Variants in MED13L observed in about 807,000 individuals in gnomAD.
MED13L encodes mediator complex subunit 13L.
A neutral mutation model predicts 220.9 loss-of-function variants in MED13L; 7 were observed. The ratio of observed to expected loss-of-function variants is 0.03; its 90% CI spans 0.02 to 0.06. The LOEUF (loss-of-function observed/expected upper bound fraction) is 0.06, where lower values mean the gene tolerates loss of function less well. Ranked by LOEUF, MED13L falls within the 10% of genes least tolerant of loss-of-function variation. MED13L has a pLI of 1.00. For synonymous variants in MED13L, 1,011 were observed against 1,015.2 expected (o/e 1.00, Z 0.08); for missense variants, 1,965 against 2,760.5 (o/e 0.71, Z 6.46).
At chr12:115,974,380 CAT>C (rs1358618568) in intron 25 of MED13L, among the ~76,000 whole-genome samples, 19 of 152,300 alleles carry the variant, frequency 1.2e-4, no homozygotes, top group African/African-American at 4.6e-4. Flanking sequence ...CATCTGAATG[CAT>C]ATATTGAACT....
intron 16 of MED13L, among the ~76,000 whole-genome samples, chr12:115,992,361 G>C (rs562568894): frequency 6.6e-6 from 1 of 152,118 alleles, no homozygotes; most frequent in South Asian, 2.1e-4. Flanking sequence ...AGGACCATAG[G>C]ATGAAATTTC....
At chr12:115,985,893 A>C (rs1012991646) in intron 19 of MED13L, among the ~76,000 whole-genome samples, 1 of 152,186 alleles carries the variant, frequency 6.6e-6, no homozygotes, top group Admixed American at 6.5e-5. Flanking sequence ...CCCTCAATCC[A>C]TCCAGTAAAT....
At chr12:116,221,437 C>G (rs949417727) in intron 2 of MED13L, among the ~76,000 whole-genome samples, 1 of 151,104 alleles carries the variant, frequency 6.6e-6, no homozygotes, top group South Asian at 2.1e-4. Context: ...AGTTAATATT[C>G]TGAAAGAAAG....
intron 3 of MED13L, among the ~76,000 whole-genome samples, chr12:116,099,301 T>G (rs1593042492): frequency 6.6e-6 from 1 of 152,342 alleles, no homozygotes; most frequent in East Asian, 1.9e-4. Flanking sequence ...CCTTGTAAAT[T>G]ACAGTCTATT....
chr12:116,047,329 G>A (rs564534890), intron 4 of MED13L, among the ~76,000 whole-genome samples: 7 of 152,334 alleles, frequency 4.6e-5, no homozygotes, highest in African/African-American at 1.7e-4. Flanking sequence ...CCCAGCCTGG[G>A]TGACAGAGAA....
intron 13 of MED13L, among the ~76,000 whole-genome samples, chr12:116,005,251 A>G (rs1878978896): frequency 6.6e-6 from 1 of 152,196 alleles, no homozygotes; most frequent in Admixed American, 6.5e-5. Flanking sequence ...TATTTGCCCA[A>G]AGGTACAGAG....
intron 2 of MED13L, among the ~76,000 whole-genome samples, chr12:116,176,863 TCGAGAAC>T (rs1404731191): frequency 3.5e-5 from 4 of 114,902 alleles, no homozygotes; most frequent in Non-Finnish European, 1.7e-5. Flanking sequence ...ATATGCAGAA[TCGAGAAC>T]TCAGCCAAAA....
At chr12:116,041,828 C>CT (rs1404948826) in intron 4 of MED13L, among the ~76,000 whole-genome samples, 12 of 152,182 alleles carry the variant, frequency 7.9e-5, no homozygotes, top group Non-Finnish European at 1.8e-4. Context: ...GAGCGAGACT[C>CT]TGTCTCAAAA....
At chr12:116,090,860 G>A (rs2137787950) in intron 4 of MED13L, among the ~76,000 whole-genome samples, 1 of 152,210 alleles carries the variant, frequency 6.6e-6, no homozygotes, top group Non-Finnish European at 1.5e-5. Context: ...CGCAGTGGCT[G>A]ATGCCTGTAA....
At chr12:116,126,872 C>A (rs1875630654) in intron 2 of MED13L, among the ~76,000 whole-genome samples, 5 of 152,048 alleles carry the variant, frequency 3.3e-5, no homozygotes, top group Admixed American at 3.3e-4. Context: ...ACCAATCTAC[C>A]CCTTCTAGTT....
At chr12:116,259,345 T>C (rs768919669) in intron 1 of MED13L, among the ~76,000 whole-genome samples, 76 of 152,140 alleles carry the variant, frequency 5.0e-4, no homozygotes, top group Non-Finnish European at 8.1e-4. Context: ...ATGCATAAAC[T>C]GCGATATACG....
intron 7 of MED13L, 91 bp downstream of exon 7, chr12:116,019,133 G>T: frequency 7.7e-7 from 1 of 1,301,864 alleles, no homozygotes; most frequent in Non-Finnish European, 1.1e-6. Flanking sequence ...CTTCCAACAG[G>T]AATTTCTGTT....
intron 4 of MED13L, among the ~76,000 whole-genome samples, chr12:116,046,702 G>A (rs532400593): frequency 2.0e-5 from 3 of 152,156 alleles, no homozygotes; most frequent in Admixed American, 6.5e-5. Context: ...GGCCGGGTGC[G>A]GTGGCTCACG....
chr12:116,123,676 T>C (rs1875292378), intron 2 of MED13L, among the ~76,000 whole-genome samples: 1 of 152,158 alleles, frequency 6.6e-6, no homozygotes, highest in Non-Finnish European at 1.5e-5. Context: ...GTCACTGCTA[T>C]TACTATGAGT....
chr12:116,179,804 T>C (rs1282194324), intron 2 of MED13L, among the ~76,000 whole-genome samples: 2 of 151,978 alleles, frequency 1.3e-5, no homozygotes, highest in Non-Finnish European at 2.9e-5. Context: ...TGGATGGATA[T>C]GGCCATTCTC....
chr12:116,126,694 G>T (rs1056869726), intron 2 of MED13L, among the ~76,000 whole-genome samples: 1 of 152,172 alleles, frequency 6.6e-6, no homozygotes, highest in African/African-American at 2.4e-5. Flanking sequence ...GAGCCACTGG[G>T]CAATGCTAAC....
intron 2 of MED13L, among the ~76,000 whole-genome samples, chr12:116,224,229 A>G (rs1868733632): frequency 6.6e-6 from 1 of 152,146 alleles, no homozygotes; most frequent in Non-Finnish European, 1.5e-5. Flanking sequence ...AGAGGCCCAA[A>G]TGTTCATTTT....
chr12:116,186,257 C>T (rs1157524392), intron 2 of MED13L, among the ~76,000 whole-genome samples: 1 of 152,090 alleles, frequency 6.6e-6, no homozygotes, highest in Middle Eastern at 3.2e-3. Flanking sequence ...TTTTCTCTAT[C>T]CTACTTGACT....
At chr12:115,983,992 A>C (rs990495597) in intron 20 of MED13L, among the ~76,000 whole-genome samples, 188 bp downstream of exon 20, 1 of 152,232 alleles carries the variant, frequency 6.6e-6, no homozygotes, top group African/African-American at 2.4e-5. Context: ...AACTTTGAAT[A>C]GTTTTTAAAA....
Sources: gnomAD v4.1 joint callset for allele counts (sites outside exome capture counted in the v4.1 genomes callset) on GRCh38, gnomAD v4.1.1 for gene constraint, MANE v1.5 for transcripts, NCBI Gene and HGNC (gene_info 2026-07-23, HGNC 2026-07-21) for gene names.